Variants in UNC13C observed in about 807,000 individuals in gnomAD.
UNC13C encodes the protein protein unc-13 homolog C.
UNC13C carries 174 observed loss-of-function variants against 245.4 expected under a neutral mutation model. The observed-to-expected ratio is 0.71, with a 90% CI of 0.63 to 0.80. UNC13C has a LOEUF of 0.80. Among genes scored for constraint, UNC13C ranks in the 30% least tolerant of loss-of-function variants. UNC13C has a pLI of 0.00. For synonymous variants in UNC13C, 992 were observed against 895.1 expected, an observed-to-expected ratio of 1.11 and a Z score of -1.93; for missense variants, 2,829 against 2,602.9, an observed-to-expected ratio of 1.09 and a Z score of -1.89.
chr15:54,164,542 A>T (rs2033097891), intron 4 of UNC13C, among the ~76,000 whole-genome samples: 1 of 152,250 alleles, frequency 6.6e-6, no homozygotes, highest in Non-Finnish European at 1.5e-5. Flanking sequence ...TGCTAAAATT[A>T]AAACAACAGA....
At chr15:54,269,081 A>C (rs2140897660) in intron 10 of UNC13C, among the ~76,000 whole-genome samples, 1 of 145,798 alleles carries the variant, frequency 6.9e-6, no homozygotes, top group South Asian at 2.1e-4. Context: ...TTATACTTTA[A>C]GTTTTAGAGT....
chr15:54,511,702 A>G (rs1894748971), intron 23 of UNC13C, 51 bp from the exon 24 acceptor site: 12 of 1,308,314 alleles, frequency 9.2e-6, no homozygotes, highest in Non-Finnish European at 1.3e-5. Flanking sequence ...CTCATTCAAT[A>G]ATTTTATATA....
chr15:53,916,933 T>C, the UNC13C span, among the ~76,000 whole-genome samples: 1 of 152,160 alleles, frequency 6.6e-6, no homozygotes. Flanking sequence ...CGTTTACAGA[T>C]TATACTCTGG....
At chr15:54,449,499 T>G (rs936982146) in intron 19 of UNC13C, among the ~76,000 whole-genome samples, 1 of 152,194 alleles carries the variant, frequency 6.6e-6, no homozygotes, top group Non-Finnish European at 1.5e-5. Flanking sequence ...TCTCTAAACT[T>G]CTCTTCTCGC....
intron 8 of UNC13C, among the ~76,000 whole-genome samples, chr15:54,251,828 A>G (rs966498669): frequency 6.6e-6 from 1 of 152,212 alleles, no homozygotes; most frequent in Non-Finnish European, 1.5e-5. Context: ...ATGCTGTCAC[A>G]GCTGACTTGT....
At chr15:54,198,945 A>C (rs2034441243) in intron 4 of UNC13C, among the ~76,000 whole-genome samples, 1 of 152,084 alleles carries the variant, frequency 6.6e-6, no homozygotes. Context: ...AAAATGTGAT[A>C]CAGGATATAA....
At chr15:54,280,539 G>A (rs74015110) in intron 10 of UNC13C, among the ~76,000 whole-genome samples, 2,706 of 150,588 alleles carry the variant, frequency 0.018, 85 homozygotes, top group African/African-American at 0.064. Flanking sequence ...CATTGCAGAC[G>A]GAAATTGATA....
At chr15:54,499,066 A>G (rs1772648465) in intron 20 of UNC13C, among the ~76,000 whole-genome samples, 1 of 152,076 alleles carries the variant, frequency 6.6e-6, no homozygotes, top group South Asian at 2.1e-4. Flanking sequence ...GTAAAAAATA[A>G]ATAGGTTTAA....
chr15:54,284,424 C>A (rs945357082), intron 10 of UNC13C, among the ~76,000 whole-genome samples: 3 of 152,102 alleles, frequency 2.0e-5, no homozygotes, highest in South Asian at 2.1e-4. Flanking sequence ...GAGCTTGGAA[C>A]AAACAAAAAA....
At chr15:53,882,009 G>A in the UNC13C span, among the ~76,000 whole-genome samples, 1 of 152,160 alleles carries the variant, frequency 6.6e-6, no homozygotes, top group Non-Finnish European at 1.5e-5. Flanking sequence ...AGTAGGTGGA[G>A]ATGAGACACT....
chr15:54,607,024 A>C (rs1899802825), intron 30 of UNC13C, among the ~76,000 whole-genome samples: 1 of 152,202 alleles, frequency 6.6e-6, no homozygotes, highest in Admixed American at 6.5e-5. Context: ...AAATCAGGGA[A>C]GGTTTTGTGG....
At chr15:54,286,266 A>G (rs958931896) in intron 10 of UNC13C, among the ~76,000 whole-genome samples, 1 of 152,226 alleles carries the variant, frequency 6.6e-6, no homozygotes, top group Non-Finnish European at 1.5e-5. Flanking sequence ...CAATTAAAAT[A>G]TGTAGCTAGA....
At chr15:54,559,143 A>G (rs2141203786) in intron 29 of UNC13C, among the ~76,000 whole-genome samples, 1 of 152,196 alleles carries the variant, frequency 6.6e-6, no homozygotes, top group Middle Eastern at 3.4e-3. Context: ...CATGTGAATC[A>G]GGACCCTCTA....
intron 19 of UNC13C, among the ~76,000 whole-genome samples, chr15:54,428,680 C>T (rs72734797): frequency 6.6e-6 from 1 of 151,390 alleles, no homozygotes; most frequent in African/African-American, 2.4e-5. Context: ...GTACCTAACA[C>T]GTGTTGCATG....
intron 2 of UNC13C, among the ~76,000 whole-genome samples, chr15:54,103,175 CACAA>C: frequency 6.6e-6 from 1 of 152,310 alleles, no homozygotes; most frequent in East Asian, 1.9e-4. Context: ...AACTGTGATA[CACAA>C]ACACACACAC....
chr15:54,602,693 T>C lies in UNC13C; in HGVS notation c.6107-19634T>C, dbSNP rs1424773543. Among the ~76,000 whole-genome samples, 9 of 152,150 alleles carry C rather than the reference T, an allele frequency of 5.9e-5. No individual in the cohort carries two copies. The East Asian group carries it at 1.7e-3, about 29-fold the overall frequency. ...GACCACAAAAGTCATCAAAGAAAAC[T>C]TTGCCAGTCACCCCAGAAGTTCCTC... is the stretch of plus-strand genomic sequence containing the variant. On this transcript the variant is annotated intron_variant, in intron 30 of 32. Transcript: ENST00000260323.
intron 10 of UNC13C, among the ~76,000 whole-genome samples, chr15:54,271,458 G>T (rs540800618): frequency 1.3e-5 from 2 of 152,150 alleles, no homozygotes; most frequent in Admixed American, 1.3e-4. Context: ...TCCCTCAGGA[G>T]GAAAACAAGT....
chr15:53,915,209 T>G, the UNC13C span, among the ~76,000 whole-genome samples: 2 of 152,206 alleles, frequency 1.3e-5, no homozygotes, highest in Admixed American at 6.5e-5. Context: ...AAGGTCCACT[T>G]TTTGTTTTTC....
chr15:53,964,749 G>A, the UNC13C span, among the ~76,000 whole-genome samples: 1 of 152,098 alleles, frequency 6.6e-6, no homozygotes, highest in Non-Finnish European at 1.5e-5. Context: ...TCCAAGTAAT[G>A]TTTTAAAAAT....
Sources: allele counts gnomAD v4.1 joint callset (sites outside exome capture counted in the v4.1 genomes callset), GRCh38; gene constraint gnomAD v4.1.1; transcripts MANE v1.5; gene names NCBI Gene and HGNC (gene_info 2026-07-23, HGNC 2026-07-21).